The following RIN3 variants were observed in gnomAD, a reference collection of about 807,000 sequenced individuals.
The protein encoded by RIN3 is RAB5 interacting protein 3.
RIN3 carries 54 observed loss-of-function variants against 76.3 expected under a neutral mutation model. The ratio of observed to expected loss-of-function variants is 0.71; its 90% CI spans 0.57 to 0.89. RIN3 has a LOEUF of 0.89. Among genes scored for constraint, RIN3 ranks in the 40% least tolerant of loss-of-function variants. The pLI, the probability that RIN3 is intolerant of heterozygous loss-of-function variation, is 0.00. For missense variants in RIN3, 1,256 were observed against 1,322.1 expected (o/e 0.95, Z 0.78); for synonymous variants, 576 against 564.0 (o/e 1.02, Z -0.30).
intron 1 of RIN3, among the ~76,000 whole-genome samples, chr14:92,532,515 G>A (rs924206695): frequency 2.6e-5 from 4 of 152,178 alleles, no homozygotes; most frequent in Non-Finnish European, 5.9e-5. Flanking sequence ...GGGCACCCAG[G>A]CTCCTTGTCT....
chr14:92,612,242 G>A (rs1451666620), intron 3 of RIN3, among the ~76,000 whole-genome samples: 3 of 152,202 alleles, frequency 2.0e-5, no homozygotes, highest in East Asian at 1.9e-4. Flanking sequence ...ACATGCTCAC[G>A]GGCAGGTGGT....
chr14:92,588,214 C>CTTT lies in RIN3; in HGVS notation c.367+10765_367+10767dup, dbSNP rs141155255. On this transcript the variant is annotated intron_variant, in intron 3 of 9. Coordinates refer to ENST00000216487, the MANE Select transcript of RIN3 (RefSeq NM_024832.5). ...GGGGACCCATTCAAGCCATAGCACT[C>CTTT]TTTTTTTTTTTTTTTTTTTTTTTTT... Among the ~76,000 whole-genome samples the CTTT allele has an allele frequency of 7.3e-3, 428 of 58,840 alleles. 22 individuals are homozygous for CTTT. The highest frequency in any genetic ancestry group is 0.013 in the Middle Eastern group (1 of 80). 38.6% of individuals were successfully genotyped at this position (58,840 alleles called of 152,430 possible).
chr14:92,666,532 C>T (rs572854729), intron 7 of RIN3, among the ~76,000 whole-genome samples: 2 of 151,670 alleles, frequency 1.3e-5, no homozygotes, highest in South Asian at 4.2e-4. Context: ...TTCACGGAAG[C>T]AAATGGCTTT....
chr14:92,547,103 A>ATTATCTTTATTTTATTATTATTATAAAG lies in RIN3; in HGVS notation c.45-8647_45-8646insTATCTTTATTTTATTATTATTATAAAGT. On this transcript the variant is annotated intron_variant, in intron 1 of 9. Transcript: ENST00000216487. Reference sequence around the variant, plus strand: ...TTATATTATATTATATTATAATTAAATAAATTATCTTTATTTTATTATTAT... The same window carrying ATTATCTTTATTTTATTATTATTATAAAG: ...TTATATTATATTATATTATAATTAAATTATCTTTATTTTATTATTATTATAAAGTAAATTATCTTTATTTTATTATTAT... Among the ~76,000 whole-genome samples the ATTATCTTTATTTTATTATTATTATAAAG allele has an allele frequency of 2.8e-3, 233 of 82,458 alleles. 52 individuals are homozygous for ATTATCTTTATTTTATTATTATTATAAAG. Among genetic ancestry groups the ATTATCTTTATTTTATTATTATTATAAAG allele is most frequent in the African/African-American group, 9.5e-3 (207 of 21,840 alleles). 54.1% of individuals were successfully genotyped at this position (82,458 alleles called of 152,430 possible).
chr14:92,609,845 G>C (rs1017682319), intron 3 of RIN3, among the ~76,000 whole-genome samples: 7 of 21,424 alleles, frequency 3.3e-4, no homozygotes, highest in African/African-American at 1.1e-3. Flanking sequence ...AATTCAGTCT[G>C]TGTGTGTGTG....
At position 92,643,486 on chromosome 14, in the gene RIN3, A is replaced by T. The variant is rs543767132; in HGVS notation, c.532+2157A>T. Among the ~76,000 whole-genome samples the T allele has an allele frequency of 6.6e-6, 1 of 152,346 alleles. No homozygotes were observed. The highest frequency in any genetic ancestry group is 2.4e-5 in the African/African-American group (1 of 41,574). ...CCCAGAATGTTAGTTGTTGGGCTCC[A>T]ACCCTCCCAGGATCTTGGATGTGGG... On this transcript the variant is annotated intron_variant, in intron 5 of 9. Transcript: ENST00000216487. The surrounding 1 kb of genome is among the most constrained non-coding windows in gnomAD (Gnocchi z 4.8).
intron 8 of RIN3, among the ~76,000 whole-genome samples, chr14:92,680,708 G>A (rs899455817): frequency 3.3e-5 from 5 of 152,218 alleles, no homozygotes; most frequent in African/African-American, 9.7e-5. Context: ...CCAGTGTTTC[G>A]TAGTTCAGGT....
intron 3 of RIN3, among the ~76,000 whole-genome samples, chr14:92,594,085 A>C (rs1183570147): frequency 6.6e-6 from 1 of 152,144 alleles, no homozygotes; most frequent in Non-Finnish European, 1.5e-5. Flanking sequence ...TGGAACATTC[A>C]CCAAGATAGA....
At chr14:92,607,460 T>G (rs1885568367) in intron 3 of RIN3, among the ~76,000 whole-genome samples, 1 of 152,116 alleles carries the variant, frequency 6.6e-6, no homozygotes, top group Admixed American at 6.5e-5. Flanking sequence ...TACAAAAAAT[T>G]TAAAAATTAG....
intron 4 of RIN3, among the ~76,000 whole-genome samples, chr14:92,632,284 T>G (rs1436868437): frequency 7.9e-5 from 12 of 152,030 alleles, no homozygotes; most frequent in African/African-American, 2.9e-4. Flanking sequence ...GGGTGGGGTG[T>G]CAGCAGTGAT....
chr14:92,589,850 T>G (rs1884917752), intron 3 of RIN3, among the ~76,000 whole-genome samples: 1 of 152,238 alleles, frequency 6.6e-6, no homozygotes, highest in African/African-American at 2.4e-5. Context: ...CACTTGGTCC[T>G]AATAAGTAAA....
chr14:92,665,914 G>A (rs1027262680), intron 7 of RIN3, among the ~76,000 whole-genome samples: 7 of 152,074 alleles, frequency 4.6e-5, no homozygotes, highest in Non-Finnish European at 8.8e-5. Flanking sequence ...CAGGTGATCC[G>A]GGCAGCTGTG....
At chr14:92,638,256 C>G (rs571160023) in intron 4 of RIN3, among the ~76,000 whole-genome samples, 5 of 152,114 alleles carry the variant, frequency 3.3e-5, no homozygotes, top group East Asian at 1.9e-4. Context: ...TCCCTCTATG[C>G]GTAAACTCAG....
chr14:92,587,139 C>T (rs1285463085), intron 3 of RIN3, among the ~76,000 whole-genome samples: 1 of 152,318 alleles, frequency 6.6e-6, no homozygotes, highest in East Asian at 1.9e-4. Context: ...TCGGAAGCCA[C>T]GCAAAGGTTT....
chr14:92,523,748 A>G (rs1595387123), intron 1 of RIN3, among the ~76,000 whole-genome samples: 2 of 152,320 alleles, frequency 1.3e-5, no homozygotes, highest in South Asian at 4.1e-4. Context: ...TTGTGCTTTG[A>G]CAGGGCTAGG....
intron 3 of RIN3, among the ~76,000 whole-genome samples, chr14:92,587,375 G>A (rs1440590029): frequency 1.3e-5 from 2 of 152,166 alleles, no homozygotes; most frequent in African/African-American, 4.8e-5. Context: ...AGCCCTTTCA[G>A]TGGGTTGGGG....
At position 92,532,512 on chromosome 14, in the gene RIN3, C is replaced by G. The variant is rs561292204; in HGVS notation, c.44+18536C>G. Among the ~76,000 whole-genome samples, 33 of 152,324 alleles carry G rather than the reference C, an allele frequency of 2.2e-4. No homozygotes were observed. The South Asian group carries it at 4.3e-3, about 20-fold the overall frequency. ...GCCTCAGAGTGGAAGGCAGGGCACC[C>G]AGGCTCCTTGTCTCCCCTTCTGGGG... On this transcript the variant is annotated intron_variant, in intron 1 of 9. Coordinates refer to ENST00000216487, the MANE Select transcript of RIN3 (RefSeq NM_024832.5).
Position 92,659,318 on chromosome 14 carries a change from TGTGACCACCAGC to T in RIN3, c.2188_2199del (p.Thr730_Val733del). The T allele has an allele frequency of 6.2e-7, 1 of 1,613,228 alleles. No homozygotes were observed. The highest frequency in any genetic ancestry group is 8.5e-7 in the Non-Finnish European group (1 of 1,179,524). Reference sequence around the variant, plus strand: ...TGGCCACCACCACCACTGACCTAGGTGTGACCACCAGCGTGCCGGAGGTGCCCATGATGGAGA... The same window carrying T: ...TGGCCACCACCACCACTGACCTAGGTGTGCCGGAGGTGCCCATGATGGAGA... On this transcript the variant is annotated inframe_deletion, in exon 7 of 10. Coordinates refer to ENST00000216487, the MANE Select transcript of RIN3 (RefSeq NM_024832.5).
At chr14:92,596,364 C>T (rs999111621) in intron 3 of RIN3, among the ~76,000 whole-genome samples, 7 of 152,176 alleles carry the variant, frequency 4.6e-5, no homozygotes, top group Non-Finnish European at 4.4e-5. Flanking sequence ...GTCTTCATAA[C>T]GCTATGAAAC....
Sources: gnomAD v4.1 joint callset for allele counts (sites outside exome capture counted in the v4.1 genomes callset) on GRCh38, gnomAD v4.1.1 for gene constraint, Gnocchi (gnomAD v3.1) non-coding constraint, MANE v1.5 for transcripts, NCBI Gene and HGNC (gene_info 2026-07-23, HGNC 2026-07-21) for gene names.